The following GALNT13 variants were observed in gnomAD, a reference collection of about 807,000 sequenced individuals.
GALNT13 encodes polypeptide N-acetylgalactosaminyltransferase 13.
GALNT13 carries 28 observed loss-of-function variants against 64.2 expected under a neutral mutation model. That is an observed-to-expected ratio of 0.44 (90% CI 0.32 to 0.60). The LOEUF (loss-of-function observed/expected upper bound fraction) is 0.60, where lower values mean the gene tolerates loss of function less well. Ranked by LOEUF, GALNT13 falls within the 20% of genes least tolerant of loss-of-function variation. The pLI, the probability that GALNT13 is intolerant of heterozygous loss-of-function variation, is 0.05. For missense variants in GALNT13, 577 were observed against 669.8 expected (o/e 0.86, Z 1.53); for synonymous variants, 214 against 224.6 (o/e 0.95, Z 0.42).
At chr2:154,270,487 A>T (rs990003525) in intron 8 of GALNT13, among the ~76,000 whole-genome samples, 1 of 151,908 alleles carries the variant, frequency 6.6e-6, no homozygotes, top group Admixed American at 6.6e-5. Context: ...TACCTTTTCT[A>T]TTATTTCTAA....
chr2:154,247,933 T>C (rs1012884010), intron 7 of GALNT13, among the ~76,000 whole-genome samples: 1 of 152,128 alleles, frequency 6.6e-6, no homozygotes, highest in African/African-American at 2.4e-5. Flanking sequence ...TCAGCATAGC[T>C]GTAATGTGAA....
the GALNT13 span, among the ~76,000 whole-genome samples, chr2:153,075,088 TG>T: frequency 6.6e-6 from 1 of 152,192 alleles, no homozygotes; most frequent in Non-Finnish European, 1.5e-5. Flanking sequence ...AGTAGGTTTC[TG>T]AACCGTTTTA....
intron 8 of GALNT13, among the ~76,000 whole-genome samples, chr2:154,290,762 G>C (rs1471790239): frequency 2.0e-5 from 3 of 152,140 alleles, no homozygotes; most frequent in Non-Finnish European, 2.9e-5. Context: ...AAGATGGTGT[G>C]TCTGGAGTTT....
intron 9 of GALNT13, among the ~76,000 whole-genome samples, chr2:154,342,225 C>T (rs1695809607): frequency 2.6e-5 from 4 of 152,048 alleles, no homozygotes; most frequent in African/African-American, 7.2e-5. Flanking sequence ...TGGATGAGCT[C>T]ACCAAGAGAA....
At chr2:153,288,330 C>T in the GALNT13 span, among the ~76,000 whole-genome samples, 120,145 of 152,156 alleles carry the variant, frequency 0.79, 48,445 homozygotes, top group Non-Finnish European at 0.86. Flanking sequence ...AATTTATGTG[C>T]ATCGGTAGTC....
At chr2:153,258,182 C>A in the GALNT13 span, among the ~76,000 whole-genome samples, 1 of 152,142 alleles carries the variant, frequency 6.6e-6, no homozygotes, top group Non-Finnish European at 1.5e-5. Flanking sequence ...TCTTATTGGG[C>A]TTTATGCAAA....
chr2:153,434,935 T>C, the GALNT13 span, among the ~76,000 whole-genome samples: 19 of 152,170 alleles, frequency 1.2e-4, no homozygotes, highest in African/African-American at 4.1e-4. Flanking sequence ...ATTGCCTAGA[T>C]TTTCTTCTAG....
At chr2:153,872,613 T>TTC (rs146750938) in intron 1 of GALNT13, among the ~76,000 whole-genome samples, 18,344 of 57,658 alleles carry the variant, frequency 0.32, 3,185 homozygotes, top group Non-Finnish European at 0.38. Context: ...GGTGAGTTGT[T>TTC]GGTGGCGGGG....
chr2:154,093,160 GA>G (rs1344061493), intron 3 of GALNT13, among the ~76,000 whole-genome samples: 3 of 151,976 alleles, frequency 2.0e-5, no homozygotes, highest in Admixed American at 6.6e-5. Flanking sequence ...TAAAGAAAAT[GA>G]GATGTGAAAT....
the GALNT13 span, among the ~76,000 whole-genome samples, chr2:153,359,181 A>T: frequency 6.6e-6 from 1 of 152,292 alleles, no homozygotes; most frequent in African/African-American, 2.4e-5. Flanking sequence ...TCTTTTGTAC[A>T]TGTAAGAAAT....
chr2:154,413,925 T>A (rs531736279), intron 11 of GALNT13, among the ~76,000 whole-genome samples: 1 of 152,224 alleles, frequency 6.6e-6, no homozygotes, highest in Admixed American at 6.6e-5. Flanking sequence ...GTAGCTAAAA[T>A]CTGGCAAGCG....
At chr2:153,210,575 G>A in the GALNT13 span, among the ~76,000 whole-genome samples, 5 of 152,036 alleles carry the variant, frequency 3.3e-5, no homozygotes. Flanking sequence ...AAAGATTTTT[G>A]TACCTACATT....
chr2:153,517,689 C>A, the GALNT13 span, among the ~76,000 whole-genome samples: 3 of 152,010 alleles, frequency 2.0e-5, no homozygotes, highest in South Asian at 6.2e-4. Context: ...GTAGAATTTC[C>A]ATTAATGTAG....
chr2:154,239,836 C>T (rs938755932), intron 4 of GALNT13, among the ~76,000 whole-genome samples: 13 of 152,084 alleles, frequency 8.5e-5, no homozygotes, highest in African/African-American at 2.7e-4. Context: ...ATCTTTTAGA[C>T]GGTTTTAAAA....
intron 11 of GALNT13, among the ~76,000 whole-genome samples, chr2:154,431,152 A>G (rs1238503655): frequency 6.6e-6 from 1 of 152,180 alleles, no homozygotes; most frequent in Admixed American, 6.5e-5. Context: ...TCATCTATGG[A>G]TTAAAAAAAG....
At chr2:153,886,327 A>G (rs1041068964) in intron 1 of GALNT13, among the ~76,000 whole-genome samples, 1 of 151,766 alleles carries the variant, frequency 6.6e-6, no homozygotes, top group Non-Finnish European at 1.5e-5. Context: ...TTGTCATTTA[A>G]CATTAGGTAT....
the GALNT13 span, among the ~76,000 whole-genome samples, chr2:153,347,931 G>A: frequency 6.6e-6 from 1 of 152,084 alleles, no homozygotes; most frequent in Non-Finnish European, 1.5e-5. Context: ...TTTAAAAAAG[G>A]TTTCCTTTTT....
chr2:153,336,430 G>C, the GALNT13 span, among the ~76,000 whole-genome samples: 1 of 152,160 alleles, frequency 6.6e-6, no homozygotes, highest in Non-Finnish European at 1.5e-5. Context: ...GCATCAGCAT[G>C]ACCTGGATGT....
chr2:153,549,023 T>C, the GALNT13 span, among the ~76,000 whole-genome samples: 1 of 152,190 alleles, frequency 6.6e-6, no homozygotes. Flanking sequence ...GGCTACATAG[T>C]ATACGACTTA....
Sources: gnomAD v4.1 joint callset for allele counts (sites outside exome capture counted in the v4.1 genomes callset) on GRCh38, gnomAD v4.1.1 for gene constraint, MANE v1.5 for transcripts, NCBI Gene and HGNC (gene_info 2026-07-23, HGNC 2026-07-21) for gene names.